RABGAP1: variants seen among roughly 807,000 people sequenced by gnomAD.
The protein encoded by RABGAP1 is RAB GTPase activating protein 1, also known as rab GTPase-activating protein 1.
A neutral mutation model predicts 137.6 loss-of-function variants in RABGAP1; 23 were observed. The observed-to-expected ratio is 0.17, with a 90% CI of 0.12 to 0.24. The LOEUF is 0.24. Among genes scored for constraint, RABGAP1 ranks in the 10% least tolerant of loss-of-function variants. The pLI, the probability that RABGAP1 is intolerant of heterozygous loss-of-function variation, is 1.00. For synonymous variants in RABGAP1, 451 were observed against 450.7 expected (o/e 1.00, Z -0.01); for missense variants, 906 against 1,275.8 (o/e 0.71, Z 4.42).
At position 122,997,162 on chromosome 9, in the gene RABGAP1, A is replaced by G. The variant is rs143655632; in HGVS notation, c.1102-97A>G. 1.4e-3 allele frequency: 1,124 copies of G among 819,446 alleles called. 21 individuals carry two copies. In the East Asian group the frequency reaches 0.025, roughly 18 times the overall value. 50.8% of individuals were successfully genotyped at this position (819,446 alleles called of 1,614,324 possible). ...CACTTATCCTCTTCCATATTCTTAT[A>G]TTTTTGCAGCTTCTGGTTTTTAAAG... On this transcript the variant is annotated intron_variant, in intron 8 of 25. Coordinates refer to ENST00000373647, the MANE Select transcript of RABGAP1 (RefSeq NM_012197.4).
chr9:122,996,286 T>A, intron 7 of RABGAP1, 135 bp downstream of exon 7: 1 of 1,378,998 alleles, frequency 7.3e-7, no homozygotes, highest in Non-Finnish European at 9.5e-7. Flanking sequence ...TTTACTGAAG[T>A]CAGTGCTTCA....
chr9:122,999,411 G>A (rs771229026), intron 10 of RABGAP1, among the ~76,000 whole-genome samples: 8 of 151,490 alleles, frequency 5.3e-5, no homozygotes, highest in South Asian at 2.1e-4. Flanking sequence ...GGCTGGTCTC[G>A]GACTCCTCAC....
At chr9:123,052,154 A>G (rs2033510682) in intron 13 of RABGAP1, among the ~76,000 whole-genome samples, 1 of 152,094 alleles carries the variant, frequency 6.6e-6, no homozygotes, top group African/African-American at 2.4e-5. Flanking sequence ...CTCCAACTCA[A>G]TACTGATAAG....
In RABGAP1 at chr9:122,948,042, AACAC is replaced by A. The variant is rs55683114; in HGVS notation, c.-50+6987_-50+6990del. Among the ~76,000 whole-genome samples, 292 of 146,034 alleles carry A rather than the reference AACAC, an allele frequency of 2.0e-3. 3 individuals are homozygous for A. The highest frequency in any genetic ancestry group is 5.6e-3 in the African/African-American group (213 of 38,204). ...GTGAAACAAAGTTCAGAGCCAGGAA[AACAC>A]ACACACACACACACACACACACACA... is the stretch of plus-strand genomic sequence containing the variant. On this transcript the variant is annotated intron_variant, in intron 1 of 25. Transcript: ENST00000373647.
At chr9:123,022,727 A>G (rs1008832521) in intron 13 of RABGAP1, among the ~76,000 whole-genome samples, 16 of 152,112 alleles carry the variant, frequency 1.1e-4, no homozygotes, top group African/African-American at 3.9e-4. Flanking sequence ...TAATGAATAT[A>G]TATTAATTTA....
At chr9:123,073,936 T>C (rs898196998) in intron 16 of RABGAP1, among the ~76,000 whole-genome samples, 1 of 152,194 alleles carries the variant, frequency 6.6e-6, no homozygotes, top group Non-Finnish European at 1.5e-5. Flanking sequence ...CACAGCTAAC[T>C]CAGTCAAGAA....
chr9:122,992,132 G>A lies in RABGAP1; in HGVS notation c.923+1919G>A, dbSNP rs181993600. ...GTTCACCGCAACCTCTGTCTCCCAG[G>A]TTCAAGCAATTCTCATGCCTCAGCC... On this transcript the variant is annotated intron_variant, in intron 6 of 25. Transcript: ENST00000373647. Among the ~76,000 whole-genome samples, 13 of 151,654 alleles carry A rather than the reference G, an allele frequency of 8.6e-5. No homozygotes were observed. The East Asian group carries it at 1.8e-3, about 20-fold the overall frequency.
At chr9:123,056,478 TTTC>T (rs1483993642) in intron 13 of RABGAP1, among the ~76,000 whole-genome samples, 3 of 151,492 alleles carry the variant, frequency 2.0e-5, no homozygotes, top group Non-Finnish European at 4.4e-5. Flanking sequence ...CTGTTTCTTT[TTTC>T]TTTTTTTTTT....
chr9:122,996,334 C>CG, intron 7 of RABGAP1, 183 bp downstream of exon 7: 1 of 1,208,070 alleles, frequency 8.3e-7, no homozygotes, highest in Non-Finnish European at 1.1e-6. Flanking sequence ...TCAGCTAATA[C>CG]GCTCTCTTCA....
chr9:123,087,789 C>T (rs1258929776), intron 19 of RABGAP1, among the ~76,000 whole-genome samples: 1 of 152,170 alleles, frequency 6.6e-6, no homozygotes, highest in African/African-American at 2.4e-5. Flanking sequence ...GAGGTGTCCA[C>T]AGTCAATGGG....
chr9:123,087,605 C>T (rs1297527132), intron 19 of RABGAP1, among the ~76,000 whole-genome samples: 1 of 152,206 alleles, frequency 6.6e-6, no homozygotes, highest in Non-Finnish European at 1.5e-5. Context: ...AAGATCTCAG[C>T]TTAAAGATGT....
chr9:123,074,205 TCC>T, intron 16 of RABGAP1, 78 bp from the exon 17 acceptor site: 2 of 1,555,310 alleles, frequency 1.3e-6, no homozygotes, highest in Admixed American at 1.9e-5. Flanking sequence ...TTTGGCCTAT[TCC>T]TGGTAGATTT....
intron 10 of RABGAP1, among the ~76,000 whole-genome samples, chr9:123,008,596 C>T (rs2030519411): frequency 6.7e-6 from 1 of 149,904 alleles, no homozygotes; most frequent in Non-Finnish European, 1.5e-5. Context: ...GTTTAGGATA[C>T]CAATTGTCTG....
chr9:123,064,044 ACTCTCACTCTCG>A (rs2034081213), intron 13 of RABGAP1, among the ~76,000 whole-genome samples: 1 of 150,382 alleles, frequency 6.6e-6, no homozygotes, highest in Non-Finnish European at 1.5e-5. Context: ...ACTCGCTCTC[ACTCTCACTCTCG>A]CTCACTTCGC....
At chr9:122,932,851 A>C in the RABGAP1 span, among the ~76,000 whole-genome samples, 4 of 152,074 alleles carry the variant, frequency 2.6e-5, no homozygotes, top group Non-Finnish European at 4.4e-5. Flanking sequence ...TCTTTGACCC[A>C]GTTGTTAAGA....
upstream of RABGAP1, chr9:122,938,584 TAAA>T (rs928608642): frequency 2.0e-5 from 3 of 152,212 alleles, no homozygotes; most frequent in African/African-American, 4.8e-5. Context: ...GATTAGATGA[TAAA>T]AACAACATGT....
chr9:123,065,922 T>C (rs1245932849), intron 14 of RABGAP1, among the ~76,000 whole-genome samples: 3 of 152,216 alleles, frequency 2.0e-5, no homozygotes, highest in Non-Finnish European at 4.4e-5. Flanking sequence ...AAAAGGTCTG[T>C]ACCCGAACAC....
chr9:123,057,768 G>A (rs2033793407), intron 13 of RABGAP1, among the ~76,000 whole-genome samples: 1 of 152,238 alleles, frequency 6.6e-6, no homozygotes, highest in South Asian at 2.1e-4. Context: ...GCACCATTGA[G>A]CACTGAGTGA....
intron 13 of RABGAP1, among the ~76,000 whole-genome samples, chr9:123,056,933 T>C (rs1182496947): frequency 1.3e-5 from 2 of 152,180 alleles, no homozygotes; most frequent in Admixed American, 6.5e-5. Flanking sequence ...CCTTTCCCCC[T>C]TTTCTATTCC....
Sources: allele counts gnomAD v4.1 joint callset (sites outside exome capture counted in the v4.1 genomes callset), GRCh38; gene constraint gnomAD v4.1.1; transcripts MANE v1.5; gene names NCBI Gene and HGNC (gene_info 2026-07-23, HGNC 2026-07-21).